The following TMC5 variants were observed in gnomAD, a reference collection of about 807,000 sequenced individuals.
The protein encoded by TMC5 is transmembrane channel-like protein 5.
A neutral mutation model predicts 110.5 loss-of-function variants in TMC5; 86 were observed. The ratio of observed to expected loss-of-function variants is 0.78; its 90% CI spans 0.65 to 0.93. The LOEUF (loss-of-function observed/expected upper bound fraction) is 0.93, where lower values mean the gene tolerates loss of function less well. Among genes scored for constraint, TMC5 ranks in the 40% least tolerant of loss-of-function variants. The pLI, the probability that TMC5 is intolerant of heterozygous loss-of-function variation, is 0.00. For synonymous variants in TMC5, 455 were observed against 439.5 expected, an observed-to-expected ratio of 1.04 and a Z score of -0.44; for missense variants, 1,144 against 1,222.8, an observed-to-expected ratio of 0.94 and a Z score of 0.96.
chr16:19,433,551 T>C (rs773654861), intron 2 of TMC5, among the ~76,000 whole-genome samples: 1 of 152,184 alleles, frequency 6.6e-6, no homozygotes, highest in Non-Finnish European at 1.5e-5. Flanking sequence ...TTTCATTACA[T>C]TGTTATTCGA....
At chr16:19,431,868 G>T (rs887668201) in intron 2 of TMC5, among the ~76,000 whole-genome samples, 4 of 152,174 alleles carry the variant, frequency 2.6e-5, no homozygotes, top group Admixed American at 1.3e-4. Context: ...CTTTGTGACG[G>T]TTCCATGGTA....
At chr16:19,470,888 T>G (rs1968323148) in intron 10 of TMC5, among the ~76,000 whole-genome samples, 1 of 151,574 alleles carries the variant, frequency 6.6e-6, no homozygotes, top group Non-Finnish European at 1.5e-5. Context: ...GACAAAAAAG[T>G]AGCCGGGCGT....
chr16:19,449,824 T>G (rs1967707672), intron 5 of TMC5, among the ~76,000 whole-genome samples, 193 bp downstream of exon 5: 1 of 150,426 alleles, frequency 6.6e-6, no homozygotes, highest in Admixed American at 6.6e-5. Flanking sequence ...CTGCACCCAC[T>G]CTCTCTCCTG....
chr16:19,471,200 C>A (rs1414652946), intron 10 of TMC5, among the ~76,000 whole-genome samples: 1 of 152,066 alleles, frequency 6.6e-6, no homozygotes, highest in Non-Finnish European at 1.5e-5. Flanking sequence ...GTTAGCCTCT[C>A]CCACCTCAGC....
chr16:19,449,496 A>G (rs765812553), intron 4 of TMC5, 46 bp from the exon 5 acceptor site: 1 of 1,478,080 alleles, frequency 6.8e-7, no homozygotes, highest in Non-Finnish European at 9.5e-7. Flanking sequence ...AGGAATGTCT[A>G]GTGTGGTGAG....
chr16:19,464,573 G>C (rs1490973799), intron 8 of TMC5, among the ~76,000 whole-genome samples: 1 of 152,086 alleles, frequency 6.6e-6, no homozygotes, highest in Non-Finnish European at 1.5e-5. Context: ...TTCTGTGCAC[G>C]TACAGAGGCA....
intron 2 of TMC5, among the ~76,000 whole-genome samples, chr16:19,436,862 C>T (rs921663820): frequency 6.6e-6 from 1 of 152,100 alleles, no homozygotes; most frequent in Non-Finnish European, 1.5e-5. Context: ...TACTGGTGAC[C>T]ACTGGCAGCT....
intron 3 of TMC5, among the ~76,000 whole-genome samples, chr16:19,441,482 G>A (rs1214575679): frequency 2.6e-5 from 4 of 151,850 alleles, no homozygotes; most frequent in East Asian, 3.9e-4. Flanking sequence ...TATTATGCCC[G>A]GCTAAGTTTT....
intron 1 of TMC5, among the ~76,000 whole-genome samples, chr16:19,428,758 A>AAAAC (rs998659219): frequency 6.6e-6 from 1 of 152,146 alleles, no homozygotes; most frequent in African/African-American, 2.4e-5. Flanking sequence ...TAAAGAAGGG[A>AAAAC]AAACAAACAA....
Position 19,466,759 on chromosome 16 carries a change from T to C in TMC5, c.1637+526T>C, listed in dbSNP as rs180676909. Among the ~76,000 whole-genome samples the C allele has an allele frequency of 5.9e-5, 9 of 152,260 alleles. No homozygotes were observed. The East Asian group carries it at 1.7e-3, about 29-fold the overall frequency. On this transcript the variant is annotated intron_variant, in intron 9 of 21. Coordinates refer to ENST00000542583, the MANE Select transcript of TMC5 (RefSeq NM_001261841.2). The stretch of plus-strand genomic sequence containing the variant: ...TTTTCTGTGCTTTTAAAGAAATTGG[T>C]CAGCCTGATAATAAGGGTGCAGTTA...
chr16:19,457,052 G>A (rs1384803888), intron 5 of TMC5: 1 of 1,540,356 alleles, frequency 6.5e-7, no homozygotes, highest in African/African-American at 1.4e-5. Context: ...TAGGGGAGTA[G>A]GAAAAAAGGC....
rs1444761675 is a variant in TMC5, at chr16:19,440,117, C to T, written c.79C>T (p.Gln27Ter). The change falls in exon 3 of 22, where the codon CAG becomes TAG. Residue 27 changes from glutamine to a stop codon, truncating the protein, a stop_gained. Coordinates refer to ENST00000542583, the MANE Select transcript of TMC5 (RefSeq NM_001261841.2). LOFTEE classifies it high-confidence loss of function. ...PDYSGSQNRT[Q>*]GYLKTQGYPD... The stretch of plus-strand genomic sequence containing the variant: ...CTATTCAGGGTCTCAGAACCGTACG[C>T]AGGGGTATTTGAAAACTCAAGGTTA... 1 of 1,614,152 alleles carries T rather than the reference C, an allele frequency of 6.2e-7. No homozygotes were observed. The highest frequency in any genetic ancestry group is 8.5e-7 in the Non-Finnish European group (1 of 1,180,032).
Position 19,460,265 on chromosome 16 carries a change from T to G in TMC5, c.1079T>G (p.Met360Arg), listed in dbSNP as rs980036137. ...AAGTTAATCGCATCCCTTATACCCATGACATCCAGAGACAGAATTAAAGCC... is the reference window on the plus strand; with the variant it reads ...AAGTTAATCGCATCCCTTATACCCAGGACATCCAGAGACAGAATTAAAGCC... The part of the protein sequence containing the change: ...GQKLIASLIP[M>R]TSRDRIKAIR... The change falls in exon 6 of 22, where the codon ATG (methionine) becomes AGG (arginine). Residue 360 changes from methionine to arginine, a missense_variant. Met to Arg is a moderately conservative substitution (Grantham distance 91). Transcript: ENST00000542583. 3 of 1,613,476 alleles carry G rather than the reference T, an allele frequency of 1.9e-6. No homozygotes were observed. Among genetic ancestry groups the G allele is most frequent in the African/African-American group, 2.7e-5 (2 of 74,886 alleles).
At chr16:19,429,560 C>T (rs1445672956) in intron 1 of TMC5, among the ~76,000 whole-genome samples, 1 of 152,072 alleles carries the variant, frequency 6.6e-6, no homozygotes, top group Non-Finnish European at 1.5e-5. Context: ...TGTGAGCGTC[C>T]CATGACCTGG....
chr16:19,489,921 C>T (rs990419900), intron 17 of TMC5, among the ~76,000 whole-genome samples: 2 of 151,764 alleles, frequency 1.3e-5, no homozygotes, highest in Non-Finnish European at 2.9e-5. Flanking sequence ...CCTATGTAGC[C>T]AGGACCACAG....
Position 19,497,108 on chromosome 16 carries a change from T to C in TMC5, c.2932-13T>C. ...TCCTCCGTGACGTGGCTGCTTGTTT[T>C]TTTCTTTTTCAGCAACAAGGCTTTT... On this transcript the variant is annotated splice_polypyrimidine_tract_variant and intron_variant, in intron 20 of 21. Coordinates refer to ENST00000542583, the MANE Select transcript of TMC5 (RefSeq NM_001261841.2). 6.2e-7 allele frequency: 1 copy of C among 1,614,010 alleles called. No individual in the cohort carries two copies. Among genetic ancestry groups the C allele is most frequent in the African/African-American group, 1.3e-5 (1 of 75,034 alleles).
chr16:19,465,459 C>T (rs1051713714), intron 8 of TMC5, among the ~76,000 whole-genome samples: 24 of 151,864 alleles, frequency 1.6e-4, no homozygotes, highest in Non-Finnish European at 2.6e-4. Context: ...TGCTTGAACC[C>T]GGGAGGTTGC....
In TMC5 at chr16:19,474,296, CA is replaced by C. The variant is rs764870065; in HGVS notation, c.2090+22del. ...GATCCGGTAGGTGATGTGTCGCGCCCAACACCAGCCTCTATTTCCACAGAGA... is the reference window on the plus strand; with the variant it reads ...GATCCGGTAGGTGATGTGTCGCGCCCACACCAGCCTCTATTTCCACAGAGA... On this transcript the variant is annotated intron_variant, in intron 12 of 21. Transcript: ENST00000542583. 4 of 1,608,452 alleles carry C rather than the reference CA, an allele frequency of 2.5e-6. No individual in the cohort carries two copies. The highest frequency in any genetic ancestry group is 3.4e-6 in the Non-Finnish European group (4 of 1,176,946).
chr16:19,474,748 T>C (rs1016462129), intron 12 of TMC5: 2 of 162,066 alleles, frequency 1.2e-5, no homozygotes, highest in African/African-American at 2.4e-5. Flanking sequence ...GCTTTCCTAA[T>C]TGCTACCAGC....
Sources: gnomAD v4.1 joint callset for allele counts (sites outside exome capture counted in the v4.1 genomes callset) on GRCh38, gnomAD v4.1.1 for gene constraint, MANE v1.5 for transcripts, NCBI Gene and HGNC (gene_info 2026-07-23, HGNC 2026-07-21) for gene names.